Variants in DGKE observed in about 807,000 individuals in gnomAD.
DGKE encodes DAG kinase epsilon.
Under a neutral mutation model 70.0 loss-of-function variants are expected in DGKE, and 53 were observed. That is an observed-to-expected ratio of 0.76 (90% CI 0.61 to 0.95). The LOEUF is 0.95. Among genes scored for constraint, DGKE ranks in the 40% least tolerant of loss-of-function variants. The pLI is 0.00. For synonymous variants in DGKE, 291 were observed against 257.0 expected, an observed-to-expected ratio of 1.13 and a Z score of -1.27; for missense variants, 655 against 706.9, an observed-to-expected ratio of 0.93 and a Z score of 0.83.
chr17:56,834,891 G>A lies in DGKE; in HGVS notation c.96G>A (p.Leu32=). The change falls in exon 2 of 12, where the codon CTG becomes CTA. Residue 32 remains leucine (L), a synonymous_variant. Coordinates refer to ENST00000284061, the MANE Select transcript of DGKE (RefSeq NM_003647.3). Reference sequence around the variant, plus strand: ...TGTGGACGCTGTGCTCGGTCCTGCTGCCGGTGTTCATCACCTTCTGGTGTA... The same window carrying A: ...TGTGGACGCTGTGCTCGGTCCTGCTACCGGTGTTCATCACCTTCTGGTGTA... ...LILWTLCSVL[L]PVFITFWCSL... 6.2e-7 allele frequency: 1 copy of A among 1,613,702 alleles called. No homozygotes were observed. The highest frequency in any genetic ancestry group is 8.5e-7 in the Non-Finnish European group (1 of 1,179,952).
At chr17:56,844,696 C>G (rs73325084) in intron 3 of DGKE, among the ~76,000 whole-genome samples, 2,291 of 152,100 alleles carry the variant, frequency 0.015, 55 homozygotes, top group African/African-American at 0.052. Flanking sequence ...TATACAGGGT[C>G]CCTAGAGATA....
intron 8 of DGKE, among the ~76,000 whole-genome samples, 195 bp downstream of exon 8, chr17:56,856,820 A>G (rs554259939): frequency 1.3e-5 from 2 of 152,082 alleles, no homozygotes; most frequent in African/African-American, 4.8e-5. Flanking sequence ...TTATCAGGCC[A>G]GGCACAGTGG....
intron 7 of DGKE, among the ~76,000 whole-genome samples, chr17:56,854,221 G>A (rs1907813402): frequency 6.6e-6 from 1 of 152,132 alleles, no homozygotes; most frequent in African/African-American, 2.4e-5. Context: ...GTTTTAGTTA[G>A]GAAGAATAAG....
chr17:56,862,829 C>A lies in DGKE; in HGVS notation c.*38C>A. ...GTGAAAACTTTGCATAGAATCCTCA[C>A]GCAAGTAGATACATGTTCATCCAAA... On this transcript the variant is annotated 3_prime_UTR_variant, in exon 12 of 12. Coordinates refer to ENST00000284061, the MANE Select transcript of DGKE (RefSeq NM_003647.3). The A allele has an allele frequency of 6.9e-7, 1 of 1,448,186 alleles. No individual in the cohort carries two copies. Among genetic ancestry groups the A allele is most frequent in the East Asian group, 2.5e-5 (1 of 39,552 alleles). 89.7% of individuals were successfully genotyped at this position (1,448,186 alleles called of 1,614,324 possible). A position where few individuals can be genotyped will look rare whatever the true frequency, so the allele number is the denominator to read the frequency against.
chr17:56,850,507 G>A (rs867332499), intron 7 of DGKE, among the ~76,000 whole-genome samples: 2 of 152,214 alleles, frequency 1.3e-5, no homozygotes, highest in Non-Finnish European at 2.9e-5. Context: ...ACTAAAGAGT[G>A]TAGTAAGTAA....
chr17:56,843,992 T>A, intron 2 of DGKE, 27 bp from the exon 3 acceptor site: 2 of 1,524,548 alleles, frequency 1.3e-6, no homozygotes, highest in Non-Finnish European at 1.7e-6. Flanking sequence ...TTAAAATTAG[T>A]TAATGCTTGT....
chr17:56,855,035 TC>T (rs1377898287), intron 7 of DGKE, among the ~76,000 whole-genome samples: 1 of 152,194 alleles, frequency 6.6e-6, no homozygotes, highest in East Asian at 1.9e-4. Context: ...TGCTGGAGTT[TC>T]AGTGATGAAG....
At chr17:56,854,609 T>G (rs576240061) in intron 7 of DGKE, among the ~76,000 whole-genome samples, 1 of 152,174 alleles carries the variant, frequency 6.6e-6, no homozygotes, top group Admixed American at 6.5e-5. Context: ...ACCACTGTGC[T>G]CAGCCTAAAA....
rs202084326 is a variant in DGKE at position 56,861,853 on chromosome 17, C to T, written c.1347C>T (p.Ile449=). 80 of 1,613,850 alleles carry T rather than the reference C, an allele frequency of 5.0e-5. No individual in the cohort carries two copies. Among genetic ancestry groups the T allele is most frequent in the Admixed American group, 6.7e-5 (4 of 59,904 alleles). The change falls in exon 10 of 12, where the codon ATC becomes ATT. Residue 449 remains isoleucine, a synonymous_variant. Transcript: ENST00000284061. ...PSLEGIIVLN[I]GYWGGGCRLW... ...TGGAAGGTATTATAGTTCTGAACAT[C>T]GGATACTGGGGCGGTGGCTGCAGAC...
intron 7 of DGKE, among the ~76,000 whole-genome samples, chr17:56,852,983 T>A (rs1258689993): frequency 6.6e-6 from 1 of 152,226 alleles, no homozygotes; most frequent in Admixed American, 6.5e-5. Context: ...CCCATGAGCA[T>A]TTCCTCTGAG....
intron 2 of DGKE, among the ~76,000 whole-genome samples, chr17:56,840,180 T>G (rs1035541486): frequency 1.3e-5 from 2 of 152,062 alleles, no homozygotes; most frequent in African/African-American, 4.8e-5. Flanking sequence ...ATAATAGTAA[T>G]AATAATAATC....
intron 2 of DGKE, chr17:56,835,926 A>T (rs1035100427): frequency 6.6e-6 from 1 of 152,266 alleles, no homozygotes; most frequent in Admixed American, 6.5e-5. Context: ...ATAGGTGAAG[A>T]TGTCCTTTGC....
In DGKE at chr17:56,863,425, A is replaced by G. The variant is rs573703516; in HGVS notation, c.*634A>G. 4.1e-4 allele frequency: 62 copies of G among 152,352 alleles called. No individual in the cohort carries two copies. Among genetic ancestry groups the G allele is most frequent in the African/African-American group, 1.3e-3 (56 of 41,596 alleles). The allele number at this position is 152,352 out of a possible 1,614,324, so 9.4% of individuals were successfully genotyped here. On this transcript the variant is annotated 3_prime_UTR_variant, in exon 12 of 12. Transcript: ENST00000284061. ...GTAAATGTTGTTTAATTCTGTAGGT[A>G]ACCATTTGAGCTGCAATTCAGGATC...
Position 56,865,418 on chromosome 17 carries a change from C to G in DGKE, c.*2627C>G, listed in dbSNP as rs1908490639. The G allele has an allele frequency of 6.6e-6, 1 of 152,126 alleles. No homozygotes were observed. The highest frequency in any genetic ancestry group is 1.5e-5 in the Non-Finnish European group (1 of 68,010). The allele number at this position is 152,126 out of a possible 1,614,324, so 9.4% of individuals were successfully genotyped here. A position where few individuals can be genotyped will look rare whatever the true frequency, so the allele number is the denominator to read the frequency against. On this transcript the variant is annotated 3_prime_UTR_variant, in exon 12 of 12. Coordinates refer to ENST00000284061, the MANE Select transcript of DGKE (RefSeq NM_003647.3). ...TCCTATAAACGTAGTGGCTTAAATA[C>G]TGAATACCTGGCAGCTCTTAAAGAT...
intron 7 of DGKE, among the ~76,000 whole-genome samples, chr17:56,854,925 T>C (rs1446007774): frequency 6.6e-6 from 1 of 152,170 alleles, no homozygotes; most frequent in African/African-American, 2.4e-5. Context: ...CTTACCTCTA[T>C]AGAAGAACAT....
Position 56,858,330 on chromosome 17 carries a change from T to C in DGKE, c.1213-264T>C, listed in dbSNP as rs112701887. 0.013 allele frequency among the ~76,000 whole-genome samples: 2,026 copies of C among 152,294 alleles called. 32 individuals carry two copies. The highest frequency in any genetic ancestry group is 0.023 in the South Asian group (112 of 4,824). On this transcript the variant is annotated intron_variant, in intron 8 of 11. Transcript: ENST00000284061. The stretch of plus-strand genomic sequence containing the variant: ...AGGCATTTTTATTTTTACATTGTGT[T>C]TTGATTATAGATTTCCATTGCTGCT...
chr17:56,840,157 T>C (rs1163411014), intron 2 of DGKE, among the ~76,000 whole-genome samples: 1 of 152,014 alleles, frequency 6.6e-6, no homozygotes, highest in African/African-American at 2.4e-5. Flanking sequence ...AGAGCGAAAC[T>C]CCATCTCAAA....
At chr17:56,842,644 G>A (rs1689160226) in intron 2 of DGKE, among the ~76,000 whole-genome samples, 1 of 152,214 alleles carries the variant, frequency 6.6e-6, no homozygotes, top group Non-Finnish European at 1.5e-5. Flanking sequence ...CGAGTATACA[G>A]CACTAAGTAC....
chr17:56,847,771 A>AAT lies in DGKE; in HGVS notation c.745-150_745-149insTA, dbSNP rs536758643. On this transcript the variant is annotated intron_variant, in intron 4 of 11. Transcript: ENST00000284061. ...GTGGGGATGAGCTACAATGAATATAAAGAGTCTGGCAGGGTGCCTGGCATA... is the reference window on the plus strand; with the variant it reads ...GTGGGGATGAGCTACAATGAATATAAATAGAGTCTGGCAGGGTGCCTGGCATA... 47 of 415,052 alleles carry AAT rather than the reference A, an allele frequency of 1.1e-4. No individual in the cohort carries two copies. In the Admixed American group the frequency reaches 1.2e-3, roughly 11 times the overall value. 25.7% of individuals were successfully genotyped at this position (415,052 alleles called of 1,614,324 possible). A position where few individuals can be genotyped will look rare whatever the true frequency, so the allele number is the denominator to read the frequency against.
Sources: allele counts gnomAD v4.1 joint callset (sites outside exome capture counted in the v4.1 genomes callset), GRCh38; gene constraint gnomAD v4.1.1; transcripts MANE v1.5; gene names NCBI Gene and HGNC (gene_info 2026-07-23, HGNC 2026-07-21).